SLC16A7: variants seen among roughly 807,000 people sequenced by gnomAD.
The protein encoded by SLC16A7 is monocarboxylate transporter 2.
SLC16A7 carries 33 observed loss-of-function variants against 34.9 expected under a neutral mutation model. The observed-to-expected ratio is 0.94, with a 90% CI of 0.72 to 1.26. The LOEUF is 1.26. Among genes scored for constraint, SLC16A7 ranks in the 50% most tolerant of loss-of-function variants. The pLI is 0.00. For missense variants in SLC16A7, 573 were observed against 578.1 expected (o/e 0.99, Z 0.09); for synonymous variants, 201 against 206.6 (o/e 0.97, Z 0.23).
At chr12:59,679,929 C>G (rs1268624867) in intron 2 of SLC16A7, among the ~76,000 whole-genome samples, 1 of 152,144 alleles carries the variant, frequency 6.6e-6, no homozygotes, top group Non-Finnish European at 1.5e-5. Context: ...CAGAGACAGG[C>G]AGGATCTGTA....
At chr12:59,770,967 G>C (rs994316727) in intron 3 of SLC16A7, among the ~76,000 whole-genome samples, 1 of 151,910 alleles carries the variant, frequency 6.6e-6, no homozygotes, top group Non-Finnish European at 1.5e-5. Context: ...AATGATTATG[G>C]TTACAACGAA....
At chr12:59,652,400 G>A (rs117907048) in intron 1 of SLC16A7, among the ~76,000 whole-genome samples, 3 of 151,696 alleles carry the variant, frequency 2.0e-5, no homozygotes, top group Admixed American at 2.0e-4. Context: ...ATGAACCCTG[G>A]GTAATGCATT....
At chr12:59,759,586 A>C (rs1359780967) in intron 3 of SLC16A7, among the ~76,000 whole-genome samples, 2 of 152,060 alleles carry the variant, frequency 1.3e-5, no homozygotes, top group African/African-American at 2.4e-5. Context: ...TATTTCAAGA[A>C]AAGTAACAGT....
intron 1 of SLC16A7, among the ~76,000 whole-genome samples, chr12:59,623,704 A>G (rs957520770): frequency 2.0e-5 from 3 of 151,692 alleles, no homozygotes; most frequent in Admixed American, 6.6e-5. Flanking sequence ...TCTGTAATGT[A>G]TGCAAAGAGA....
In SLC16A7 at chr12:59,619,256, GTATTAC is replaced by G. The variant is rs137993418; in HGVS notation, c.-130+23021_-130+23026del. Among the ~76,000 whole-genome samples, 515 of 152,074 alleles carry G rather than the reference GTATTAC, an allele frequency of 3.4e-3. 2 individuals carry two copies. Among genetic ancestry groups the G allele is most frequent in the African/African-American group, 0.011 (473 of 41,516 alleles). ...TCATTTCAATTTAATATCATGCATT[GTATTAC>G]ACAATCTCTGTGTAAAATTGAATCG... is the stretch of plus-strand genomic sequence containing the variant. On this transcript the variant is annotated intron_variant, in intron 1 of 5. Transcript: ENST00000547379.
chr12:59,723,275 A>G (rs1875826872), intron 3 of SLC16A7, among the ~76,000 whole-genome samples: 1 of 151,924 alleles, frequency 6.6e-6, no homozygotes, highest in Non-Finnish European at 1.5e-5. Context: ...GATTTTTCAG[A>G]AGTTACTTAC....
At chr12:59,720,842 A>G (rs557966479) in intron 3 of SLC16A7, among the ~76,000 whole-genome samples, 1 of 152,128 alleles carries the variant, frequency 6.6e-6, no homozygotes, top group Admixed American at 6.6e-5. Flanking sequence ...ATACTACCTC[A>G]TCCATCACTG....
At chr12:59,705,541 C>T (rs1007601133) in intron 3 of SLC16A7, among the ~76,000 whole-genome samples, 1 of 152,118 alleles carries the variant, frequency 6.6e-6, no homozygotes, top group African/African-American at 2.4e-5. Flanking sequence ...TTAAATAGGA[C>T]ATCTTTTTAA....
At chr12:59,608,352 AAAAG>A (rs543358893) in intron 1 of SLC16A7, among the ~76,000 whole-genome samples, 98 of 152,366 alleles carry the variant, frequency 6.4e-4, no homozygotes, top group African/African-American at 1.8e-3. Flanking sequence ...TTCCAGAAGA[AAAAG>A]AAAGAATCAA....
intron 2 of SLC16A7, among the ~76,000 whole-genome samples, chr12:59,681,318 C>T (rs1260405102): frequency 6.6e-6 from 1 of 152,192 alleles, no homozygotes; most frequent in Non-Finnish European, 1.5e-5. Flanking sequence ...CATGCACTGT[C>T]CTGTCTGTCT....
chr12:59,663,540 G>C (rs1364404510), intron 2 of SLC16A7, among the ~76,000 whole-genome samples: 2 of 151,940 alleles, frequency 1.3e-5, no homozygotes, highest in African/African-American at 2.4e-5. Flanking sequence ...ACACTTACTA[G>C]CCACGAAGCA....
intron 1 of SLC16A7, among the ~76,000 whole-genome samples, chr12:59,614,410 A>G (rs2136971775): frequency 6.6e-6 from 1 of 152,300 alleles, no homozygotes; most frequent in African/African-American, 2.4e-5. Flanking sequence ...TTAATGATTC[A>G]AACGAAGTGT....
At chr12:59,686,764 T>C (rs1871194418) in intron 2 of SLC16A7, among the ~76,000 whole-genome samples, 2 of 152,114 alleles carry the variant, frequency 1.3e-5, no homozygotes, top group African/African-American at 4.8e-5. Context: ...GACTATTTTT[T>C]TAAACTGAAA....
chr12:59,636,330 T>C (rs1164176547), intron 1 of SLC16A7, among the ~76,000 whole-genome samples: 3 of 152,130 alleles, frequency 2.0e-5, no homozygotes, highest in Non-Finnish European at 4.4e-5. Flanking sequence ...GAAGTTAAAT[T>C]ATTATTCTCT....
At position 59,789,605 on chromosome 12, in the gene SLC16A7, GA is replaced by G. The variant is rs1442101350; in HGVS notation, c.*9928del. On this transcript the variant is annotated 3_prime_UTR_variant, in exon 6 of 6. Transcript: ENST00000547379. ...TGTTTTTGGACAGAAAGTTTGGTGG[GA>G]AGGTTGCAATAAAATCAGAATCTCT... The G allele has an allele frequency of 1.3e-5, 2 of 152,028 alleles. No individual in the cohort carries two copies. The highest frequency in any genetic ancestry group is 2.9e-5 in the Non-Finnish European group (2 of 67,980). 9.4% of individuals were successfully genotyped at this position (152,028 alleles called of 1,614,324 possible).
intron 3 of SLC16A7, among the ~76,000 whole-genome samples, chr12:59,724,074 T>C (rs1258423604): frequency 2.6e-5 from 4 of 152,058 alleles, no homozygotes; most frequent in Non-Finnish European, 5.9e-5. Flanking sequence ...ATATTTTAGA[T>C]ACCTCACCAG....
chr12:59,755,875 A>G (rs535729121), intron 3 of SLC16A7, among the ~76,000 whole-genome samples: 33 of 152,328 alleles, frequency 2.2e-4, no homozygotes, highest in Non-Finnish European at 3.7e-4. Context: ...GGCTACAGTC[A>G]CCAAAACAGC....
At chr12:59,648,262 A>G (rs1868282310) in intron 1 of SLC16A7, among the ~76,000 whole-genome samples, 1 of 152,176 alleles carries the variant, frequency 6.6e-6, no homozygotes, top group African/African-American at 2.4e-5. Flanking sequence ...AATCTGTACA[A>G]TTAATCCATG....
At chr12:59,674,002 T>G (rs1187632034) in intron 2 of SLC16A7, among the ~76,000 whole-genome samples, 1 of 152,144 alleles carries the variant, frequency 6.6e-6, no homozygotes, top group African/African-American at 2.4e-5. Context: ...TACTGCCTTA[T>G]ACAATAGTTA....
Sources: allele counts gnomAD v4.1 joint callset (sites outside exome capture counted in the v4.1 genomes callset), GRCh38; gene constraint gnomAD v4.1.1; transcripts MANE v1.5; gene names NCBI Gene and HGNC (gene_info 2026-07-23, HGNC 2026-07-21).